The following HS6ST3 variants were observed in gnomAD, a reference collection of about 807,000 sequenced individuals.
HS6ST3 encodes heparan sulfate 6-O-sulfotransferase 3.
Under a neutral mutation model 36.7 loss-of-function variants are expected in HS6ST3, and 12 were observed. That is an observed-to-expected ratio of 0.33 (90% CI 0.21 to 0.53). The LOEUF is 0.53. Among genes scored for constraint, HS6ST3 ranks in the 20% least tolerant of loss-of-function variants. The pLI is 0.95. For missense variants in HS6ST3, 584 were observed against 640.9 expected (o/e 0.91, Z 0.96); for synonymous variants, 240 against 257.5 (o/e 0.93, Z 0.65).
chr13:96,229,482 C>T (rs1294352359), intron 1 of HS6ST3, among the ~76,000 whole-genome samples: 1 of 152,162 alleles, frequency 6.6e-6, no homozygotes, highest in East Asian at 1.9e-4. Flanking sequence ...TCACAGATAG[C>T]TCCCTTCTCA....
At chr13:96,459,365 C>CT (rs2055771145) in intron 1 of HS6ST3, among the ~76,000 whole-genome samples, 1 of 151,800 alleles carries the variant, frequency 6.6e-6, no homozygotes, top group Admixed American at 6.6e-5. Flanking sequence ...CAAAAAAGGG[C>CT]TATCAGAACC....
At chr13:96,163,494 G>A (rs1298270949) in intron 1 of HS6ST3, among the ~76,000 whole-genome samples, 2 of 152,158 alleles carry the variant, frequency 1.3e-5, no homozygotes, top group East Asian at 3.9e-4. Flanking sequence ...CTCCCAAAGT[G>A]CTGGGATTAC....
intron 1 of HS6ST3, among the ~76,000 whole-genome samples, chr13:96,523,440 G>A (rs949305064): frequency 2.6e-5 from 4 of 152,104 alleles, no homozygotes; most frequent in African/African-American, 7.2e-5. Flanking sequence ...GTTCTCCTGG[G>A]TAATATCCTG....
At chr13:96,108,697 T>C (rs1043567098) in intron 1 of HS6ST3, among the ~76,000 whole-genome samples, 8 of 152,286 alleles carry the variant, frequency 5.3e-5, no homozygotes, top group Admixed American at 3.9e-4. Context: ...TGTTAAAATA[T>C]TGGGGGCTGG....
chr13:96,317,372 T>TTATATA (rs57780978), intron 1 of HS6ST3, among the ~76,000 whole-genome samples: 7 of 52,184 alleles, frequency 1.3e-4, no homozygotes, highest in African/African-American at 3.4e-4. Flanking sequence ...ATATATAAAA[T>TTATATA]TATATATATA....
chr13:96,136,268 A>G (rs1390315628), intron 1 of HS6ST3, among the ~76,000 whole-genome samples: 2 of 152,192 alleles, frequency 1.3e-5, no homozygotes, highest in South Asian at 2.1e-4. Flanking sequence ...CTATAAAACA[A>G]TACTTGAGAC....
At chr13:96,459,517 T>A (rs2055772085) in intron 1 of HS6ST3, among the ~76,000 whole-genome samples, 1 of 152,094 alleles carries the variant, frequency 6.6e-6, no homozygotes, top group African/African-American at 2.4e-5. Flanking sequence ...TCTTAGTAGG[T>A]CAGTTAATAT....
At chr13:96,267,384 A>G (rs1274009149) in intron 1 of HS6ST3, among the ~76,000 whole-genome samples, 1 of 152,176 alleles carries the variant, frequency 6.6e-6, no homozygotes, top group Admixed American at 6.5e-5. Context: ...ACCATTCTAA[A>G]TCTTTTAGAA....
intron 1 of HS6ST3, among the ~76,000 whole-genome samples, chr13:96,702,278 C>T (rs1194717491): frequency 6.6e-6 from 1 of 152,164 alleles, no homozygotes; most frequent in East Asian, 1.9e-4. Context: ...CCCAGTAAGA[C>T]AATCCAAAAG....
In HS6ST3 at chr13:96,091,526, A is replaced by G. The variant is rs2053764347; in HGVS notation, c.664A>G (p.Ile222Val). 1 of 1,592,228 alleles carries G rather than the reference A, an allele frequency of 6.3e-7. No homozygotes were observed. The highest frequency in any genetic ancestry group is 8.5e-7 in the Non-Finnish European group (1 of 1,173,240). The change falls in exon 1 of 2, where the codon ATC (isoleucine) becomes GTC (valine). Residue 222 changes from isoleucine (I) to valine (V), a missense_variant. Coordinates refer to ENST00000376705, the MANE Select transcript of HS6ST3 (RefSeq NM_153456.4). ...WTELTNCVPA[I>V]MEKKDCPRNH... ...GGAGCTCACCAACTGCGTGCCGGCC[A>G]TCATGGAGAAGAAGGACTGTCCCCG...
chr13:96,213,255 A>G (rs888203022), intron 1 of HS6ST3, among the ~76,000 whole-genome samples: 1 of 152,242 alleles, frequency 6.6e-6, no homozygotes, highest in Non-Finnish European at 1.5e-5. Flanking sequence ...ATGTAGCCAT[A>G]TAAAGGAAAT....
At chr13:96,106,840 T>C (rs1199663057) in intron 1 of HS6ST3, among the ~76,000 whole-genome samples, 1 of 152,204 alleles carries the variant, frequency 6.6e-6, no homozygotes, top group East Asian at 1.9e-4. Context: ...GAGATGTGAA[T>C]AATTATCTTA....
chr13:96,289,937 G>T (rs1258355814), intron 1 of HS6ST3, among the ~76,000 whole-genome samples: 2 of 152,090 alleles, frequency 1.3e-5, no homozygotes, highest in Non-Finnish European at 2.9e-5. Flanking sequence ...AGACATATAA[G>T]ATGCAGCAAG....
intron 1 of HS6ST3, among the ~76,000 whole-genome samples, chr13:96,730,297 T>A (rs1876116186): frequency 6.6e-6 from 1 of 152,186 alleles, no homozygotes. Context: ...TTTTAAATTT[T>A]TTTTTGCCAG....
In HS6ST3 at chr13:96,494,478, C is replaced by T. The variant is rs148662285; in HGVS notation, c.708-338012C>T. Among the ~76,000 whole-genome samples, 86 of 150,896 alleles carry T rather than the reference C, an allele frequency of 5.7e-4. 1 individual carries two copies. In the East Asian group the frequency reaches 0.017, roughly 30 times the overall value. On this transcript the variant is annotated intron_variant, in intron 1 of 1. Coordinates refer to ENST00000376705, the MANE Select transcript of HS6ST3 (RefSeq NM_153456.4). ...TAATGGGTGCAGCACACCAACATGG[C>T]ACATGTATACATATGTAACTAACCT...
intron 1 of HS6ST3, among the ~76,000 whole-genome samples, chr13:96,106,445 C>T (rs1189456437): frequency 6.6e-6 from 1 of 152,204 alleles, no homozygotes; most frequent in Non-Finnish European, 1.5e-5. Flanking sequence ...AAGTTGAAAC[C>T]TCCTTCCAAC....
intron 1 of HS6ST3, among the ~76,000 whole-genome samples, chr13:96,325,490 T>C (rs1414873417): frequency 6.6e-6 from 1 of 151,878 alleles, no homozygotes; most frequent in African/African-American, 2.4e-5. Flanking sequence ...GAATAACAAA[T>C]AGTTGCCATG....
At chr13:96,277,294 C>T (rs1364826298) in intron 1 of HS6ST3, among the ~76,000 whole-genome samples, 1 of 151,910 alleles carries the variant, frequency 6.6e-6, no homozygotes, top group Non-Finnish European at 1.5e-5. Context: ...GAATTTTACC[C>T]TCTGTCTTTG....
intron 1 of HS6ST3, among the ~76,000 whole-genome samples, chr13:96,434,606 T>C (rs1414113578): frequency 6.6e-6 from 1 of 152,116 alleles, no homozygotes; most frequent in Admixed American, 6.5e-5. Flanking sequence ...TTGGTGCTGG[T>C]GCCCTGGCTC....
Sources: allele counts gnomAD v4.1 joint callset (sites outside exome capture counted in the v4.1 genomes callset), GRCh38; gene constraint gnomAD v4.1.1; transcripts MANE v1.5; gene names NCBI Gene and HGNC (gene_info 2026-07-23, HGNC 2026-07-21).